The following MACC1 variants were observed in gnomAD, a reference collection of about 807,000 sequenced individuals.
MACC1 encodes MET transcriptional regulator MACC1, also known as metastasis-associated in colon cancer protein 1.
A neutral mutation model predicts 70.7 loss-of-function variants in MACC1; 79 were observed. The observed-to-expected ratio is 1.12, with a 90% CI of 0.93 to 1.35. The LOEUF (loss-of-function observed/expected upper bound fraction) is 1.35, where lower values mean the gene tolerates loss of function less well. Ranked by LOEUF, MACC1 falls within the 40% of genes most tolerant of loss-of-function variation. The pLI is 0.00. For synonymous variants in MACC1, 361 were observed against 347.2 expected (o/e 1.04, Z -0.44); for missense variants, 1,106 against 978.1 (o/e 1.13, Z -1.74).
At chr7:20,195,611 G>T (rs1167750932) in intron 1 of MACC1, among the ~76,000 whole-genome samples, 1 of 152,148 alleles carries the variant, frequency 6.6e-6, no homozygotes, top group African/African-American at 2.4e-5. Flanking sequence ...ACATCAAAAG[G>T]TCTTTTTAGG....
intron 2 of MACC1, among the ~76,000 whole-genome samples, chr7:20,164,706 G>A (rs558594365): frequency 5.3e-4 from 80 of 152,246 alleles, no homozygotes; most frequent in South Asian, 2.1e-3. Flanking sequence ...CAAATATAAT[G>A]TCCAAAATTA....
At chr7:20,173,342 T>C (rs1247859579) in intron 1 of MACC1, among the ~76,000 whole-genome samples, 2 of 152,242 alleles carry the variant, frequency 1.3e-5, no homozygotes, top group South Asian at 2.1e-4. Context: ...GATTTCACTA[T>C]GATAAAGGAA....
intron 1 of MACC1, among the ~76,000 whole-genome samples, chr7:20,207,418 C>T (rs1201751702): frequency 6.6e-6 from 1 of 151,922 alleles, no homozygotes; most frequent in African/African-American, 2.4e-5. Flanking sequence ...TCCCAAAGTG[C>T]TGGGATTACA....
At chr7:20,182,127 T>A (rs980570762) in intron 1 of MACC1, among the ~76,000 whole-genome samples, 3 of 133,228 alleles carry the variant, frequency 2.3e-5, no homozygotes, top group Admixed American at 9.1e-5. Context: ...CACTCATAGG[T>A]GGGAATTGAA....
intron 1 of MACC1, among the ~76,000 whole-genome samples, chr7:20,188,577 C>T (rs1437004070): frequency 2.6e-5 from 4 of 152,136 alleles, no homozygotes; most frequent in Non-Finnish European, 4.4e-5. Context: ...CCAGTTCCCA[C>T]CCCTTCCCTT....
At chr7:20,165,732 T>G (rs1019500765) in intron 2 of MACC1, among the ~76,000 whole-genome samples, 1 of 152,162 alleles carries the variant, frequency 6.6e-6, no homozygotes, top group Non-Finnish European at 1.5e-5. Flanking sequence ...CATGAGTCAG[T>G]CTTTGTTGGA....
At chr7:20,204,945 T>C (rs1241153968) in intron 1 of MACC1, among the ~76,000 whole-genome samples, 1 of 152,212 alleles carries the variant, frequency 6.6e-6, no homozygotes, top group Non-Finnish European at 1.5e-5. Flanking sequence ...GAGCCTCTCC[T>C]AGCACCCTAG....
intron 6 of MACC1, chr7:20,147,674 G>A (rs1173016038): frequency 6.6e-6 from 1 of 152,222 alleles, no homozygotes; most frequent in Non-Finnish European, 1.5e-5. Flanking sequence ...TCACGAGGGA[G>A]ATGCTGCTTG....
intron 1 of MACC1, among the ~76,000 whole-genome samples, chr7:20,184,164 G>GT (rs1025038276): frequency 2.6e-5 from 4 of 152,080 alleles, no homozygotes; most frequent in African/African-American, 7.2e-5. Flanking sequence ...AGCACAAGTG[G>GT]TTTTTTTACA....
chr7:20,141,282 G>A (rs187812888), intron 6 of MACC1, 124 bp from the exon 7 acceptor site: 1 of 585,388 alleles, frequency 1.7e-6, no homozygotes, highest in Admixed American at 3.5e-5. Context: ...ATTACACATG[G>A]ACTTATTTGA....
At chr7:20,211,530 T>C (rs1782996277) in intron 1 of MACC1, among the ~76,000 whole-genome samples, 1 of 152,102 alleles carries the variant, frequency 6.6e-6, no homozygotes, top group African/African-American at 2.4e-5. Flanking sequence ...GAAATGGGAG[T>C]GTTCCAAACA....
chr7:20,187,777 C>G (rs979522587), intron 1 of MACC1, among the ~76,000 whole-genome samples: 1 of 152,186 alleles, frequency 6.6e-6, no homozygotes, highest in African/African-American at 2.4e-5. Flanking sequence ...GTACATACAT[C>G]TCCCTCTCCC....
At position 20,137,459 on chromosome 7, in the gene MACC1, C is replaced by T. The variant is rs1781733610; in HGVS notation, c.*3487G>A. On this transcript the variant is annotated 3_prime_UTR_variant, in exon 7 of 7. Coordinates refer to ENST00000400331, the MANE Select transcript of MACC1 (RefSeq NM_182762.4). Reference sequence around the variant, plus strand: ...TAATTGTTTCATATAAAGGCTTTAACACAAAGGAGGTAGAGGATCTGTGGC... The same window carrying T: ...TAATTGTTTCATATAAAGGCTTTAATACAAAGGAGGTAGAGGATCTGTGGC... 1 of 152,132 alleles carries T rather than the reference C, an allele frequency of 6.6e-6. No homozygotes were observed. Among genetic ancestry groups the T allele is most frequent in the South Asian group, 2.1e-4 (1 of 4,832 alleles). The allele number at this position is 152,132 out of a possible 1,614,324, so 9.4% of individuals were successfully genotyped here.
intron 1 of MACC1, among the ~76,000 whole-genome samples, chr7:20,201,084 G>A (rs1397465020): frequency 6.6e-6 from 1 of 152,082 alleles, no homozygotes; most frequent in Non-Finnish European, 1.5e-5. Context: ...CATCTGAATT[G>A]GTGAATCAAA....
At chr7:20,168,741 G>C (rs1318430891) in intron 2 of MACC1, among the ~76,000 whole-genome samples, 1 of 152,092 alleles carries the variant, frequency 6.6e-6, no homozygotes, top group East Asian at 1.9e-4. Context: ...CACATGTCAG[G>C]TTACAATCCC....
chr7:20,144,980 C>G (rs761309762), intron 6 of MACC1, among the ~76,000 whole-genome samples: 2 of 152,096 alleles, frequency 1.3e-5, no homozygotes, highest in African/African-American at 2.4e-5. Context: ...AATAACATCC[C>G]AAAAAGGACA....
chr7:20,179,023 T>A (rs960329789), intron 1 of MACC1, among the ~76,000 whole-genome samples: 1 of 152,234 alleles, frequency 6.6e-6, no homozygotes, highest in Non-Finnish European at 1.5e-5. Context: ...AAATGAATAC[T>A]CTTTTCTTCA....
At chr7:20,154,467 C>T (rs1486890792) in intron 5 of MACC1, 86 bp from the exon 6 acceptor site, 2 of 1,317,856 alleles carry the variant, frequency 1.5e-6, no homozygotes, top group African/African-American at 1.5e-5. Flanking sequence ...ACATATTCTA[C>T]AAATGGGAGT....
rs111598731 is a variant in MACC1 at position 20,140,877 on chromosome 7, A to T, written c.*69T>A. ...CAGACACACAGAGACACACACAGAC[A>T]CACACAGACACACACACACACACAC... On this transcript the variant is annotated 3_prime_UTR_variant, in exon 7 of 7. Coordinates refer to ENST00000400331, the MANE Select transcript of MACC1 (RefSeq NM_182762.4). The T allele has an allele frequency of 1.5e-3, 1,714 of 1,151,478 alleles. 20 individuals carry two copies. The African/African-American group carries it at 0.025, about 17-fold the overall frequency. The allele number at this position is 1,151,478 out of a possible 1,614,324, so 71.3% of individuals were successfully genotyped here. A position where few individuals can be genotyped will look rare whatever the true frequency, so the allele number is the denominator to read the frequency against.
Sources: gnomAD v4.1 joint callset for allele counts (sites outside exome capture counted in the v4.1 genomes callset) on GRCh38, gnomAD v4.1.1 for gene constraint, MANE v1.5 for transcripts, NCBI Gene and HGNC (gene_info 2026-07-23, HGNC 2026-07-21) for gene names.